The following PFKFB4 variants were observed in gnomAD, a reference collection of about 807,000 sequenced individuals.
PFKFB4 encodes 6-phosphofructo-2-kinase/fructose-2,6-biphosphatase 4.
A neutral mutation model predicts 62.8 loss-of-function variants in PFKFB4; 42 were observed. The observed-to-expected ratio is 0.67, with a 90% CI of 0.52 to 0.86. The LOEUF (loss-of-function observed/expected upper bound fraction) is 0.86, where lower values mean the gene tolerates loss of function less well. PFKFB4 is among the 40% of genes least tolerant of loss of function. The pLI is 0.00. For synonymous variants in PFKFB4, 204 were observed against 240.7 expected, an observed-to-expected ratio of 0.85 and a Z score of 1.41; for missense variants, 475 against 627.2, an observed-to-expected ratio of 0.76 and a Z score of 2.59.
intron 9 of PFKFB4, among the ~76,000 whole-genome samples, chr3:48,529,774 T>C (rs2042377542): frequency 6.6e-6 from 1 of 152,146 alleles, no homozygotes; most frequent in Non-Finnish European, 1.5e-5. Flanking sequence ...GGCAATATGG[T>C]GAAGCCCCAT....
rs891790511 is a variant in PFKFB4 at position 48,539,307 on chromosome 3, A to T, written c.457T>A (p.Phe153Ile). The T allele has an allele frequency of 6.2e-7, 1 of 1,611,330 alleles. No individual in the cohort carries two copies. Among genetic ancestry groups the T allele is most frequent in the Non-Finnish European group, 8.5e-7 (1 of 1,178,276 alleles). Residue 153 changes from phenylalanine to isoleucine, a missense_variant, in exon 6 of 14, where the codon TTT becomes ATT. Transcript: ENST00000232375. Reference sequence around the variant, plus strand: ...TCCACACAGATGGACTCGACAAAAAAGGTCTGCGGCAGGACCAGAAGCGCC... The same window carrying T: ...TCCACACAGATGGACTCGACAAAAATGGTCTGCGGCAGGACCAGAAGCGCC... ...NFGEQNGYKT[F>I]FVESICVDPE...
chr3:48,532,238 A>G (rs2042452379), intron 9 of PFKFB4, among the ~76,000 whole-genome samples: 2 of 152,228 alleles, frequency 1.3e-5, no homozygotes, highest in Non-Finnish European at 2.9e-5. Context: ...TGAACCAGGG[A>G]GGTGGAGGTT....
upstream of PFKFB4, among the ~76,000 whole-genome samples, chr3:48,558,287 ACT>A (rs1432536916): frequency 1.3e-5 from 2 of 150,498 alleles, no homozygotes; most frequent in Non-Finnish European, 3.0e-5. Flanking sequence ...AGCTTTGTAC[ACT>A]CTCTGCCCCA....
At chr3:48,562,527 C>T (rs985970067), upstream of PFKFB4, 1 of 533,594 alleles carries the variant, frequency 1.9e-6, no homozygotes, top group Non-Finnish European at 3.3e-6. This position sits in a 1 kb window ranked among gnomAD's most constrained non-coding sequence, Gnocchi z 4.3. Context: ...CATGGCAAGA[C>T]TCCATGTGGC....
chr3:48,530,700 GT>G (rs1560157439), intron 9 of PFKFB4, among the ~76,000 whole-genome samples: 1 of 152,072 alleles, frequency 6.6e-6, no homozygotes, highest in Non-Finnish European at 1.5e-5. Context: ...GTTTTGTTTT[GT>G]TTTGTTTTCT....
intron 3 of PFKFB4, among the ~76,000 whole-genome samples, chr3:48,545,894 G>C (rs1398383202): frequency 1.3e-5 from 2 of 152,178 alleles, no homozygotes; most frequent in Non-Finnish European, 2.9e-5. Context: ...TTTCTCCTTA[G>C]AGCCCCACGT....
intron 5 of PFKFB4, 24 bp downstream of exon 5, chr3:48,539,673 G>A: frequency 1.3e-6 from 2 of 1,596,304 alleles, no homozygotes; most frequent in South Asian, 1.1e-5. Context: ...GTTCCGCCAA[G>A]GAGAGGAGCC....
chr3:48,563,064 G>A (rs1430321388), upstream of PFKFB4: 10 of 1,612,020 alleles, frequency 6.2e-6, no homozygotes, highest in East Asian at 2.2e-4. This position sits in a 1 kb window ranked among gnomAD's most constrained non-coding sequence, Gnocchi z 4.5. Context: ...GGGGTCACTG[G>A]GACAACCAGG....
chr3:48,524,939 C>T (rs998865373), intron 10 of PFKFB4, among the ~76,000 whole-genome samples: 4 of 152,088 alleles, frequency 2.6e-5, no homozygotes, highest in Non-Finnish European at 4.4e-5. Flanking sequence ...GTAGCCAACT[C>T]ATGTGTGGAA....
chr3:48,543,724 G>A, intron 3 of PFKFB4, 78 bp from the exon 4 acceptor site: 14 of 1,103,812 alleles, frequency 1.3e-5, no homozygotes, highest in Non-Finnish European at 1.9e-5. Flanking sequence ...CACAACAGGA[G>A]GAGACATGAC....
chr3:48,552,352 A>G (rs2043181840), intron 1 of PFKFB4, among the ~76,000 whole-genome samples: 1 of 152,212 alleles, frequency 6.6e-6, no homozygotes, highest in African/African-American at 2.4e-5. Flanking sequence ...CTGCAGAGAA[A>G]CAAAGGGCCT....
Position 48,549,868 on chromosome 3 carries a change from T to C in PFKFB4, c.307A>G (p.Arg103Gly), listed in dbSNP as rs1344941561. 2 of 1,601,264 alleles carry C rather than the reference T, an allele frequency of 1.2e-6. No homozygotes were observed. The highest frequency in any genetic ancestry group is 1.7e-6 in the Non-Finnish European group (2 of 1,168,256). Reference protein sequence around the residue: ...LPDNEEGLKIRKQCALAALRD... With the variant: ...LPDNEEGLKIGKQCALAALRD... ...ACACCCAACACATATACTTACTTCC[T>C]GATTTTCAGGCCCTCTTCATTGTCG... The change falls in exon 3 of 14, where the codon AGG becomes GGG. Residue 103 changes from arginine to glycine, a missense_variant. Physicochemically the swap from Arg to Gly is moderately radical, Grantham distance 125 (BLOSUM62 -2). Transcript: ENST00000232375.
upstream of PFKFB4, among the ~76,000 whole-genome samples, chr3:48,559,021 C>G (rs780884168): frequency 1.2e-4 from 19 of 152,374 alleles, no homozygotes; most frequent in Admixed American, 2.0e-4. Flanking sequence ...CCAGCACCTC[C>G]TCTGGCCTGT....
chr3:48,523,755 A>C lies in PFKFB4; in HGVS notation c.1168T>G (p.Cys390Gly), dbSNP rs764514922. 11 of 1,614,228 alleles carry C rather than the reference A, an allele frequency of 6.8e-6. No individual in the cohort carries two copies. The Middle Eastern group carries it at 6.6e-4, about 97-fold the overall frequency. The change falls in exon 11 of 14, where the codon TGC becomes GGC. Residue 390 changes from cysteine (C) to glycine (G), a missense_variant. Transcript: ENST00000232375. ...LERQENVLVI[C>G]HQAVMRCLLA... ...AGGCAGCGCATCACAGCCTGGTGGC[A>C]GATGACCAGCACATTCTCTTGCCTC...
At chr3:48,537,516 CT>C (rs34454675) in intron 7 of PFKFB4, among the ~76,000 whole-genome samples, 4,057 of 91,536 alleles carry the variant, frequency 0.044, 39 homozygotes, top group African/African-American at 0.11. Flanking sequence ...CATGTGCATC[CT>C]TTTTTTTTTT....
At chr3:48,523,268 T>G (rs1396838685) in intron 12 of PFKFB4, among the ~76,000 whole-genome samples, 1 of 151,952 alleles carries the variant, frequency 6.6e-6, no homozygotes, top group Non-Finnish European at 1.5e-5. Context: ...CCTGTAATCC[T>G]AGCTACTCGG....
intron 5 of PFKFB4, 91 bp downstream of exon 5, chr3:48,539,606 C>A (rs1575381767): frequency 9.4e-7 from 1 of 1,066,060 alleles, no homozygotes; most frequent in East Asian, 2.4e-5. Context: ...CAGCCCCATG[C>A]CCCTCATGCA....
At chr3:48,538,733 CGGG>C in intron 6 of PFKFB4, 114 bp from the exon 7 acceptor site, 1 of 1,367,426 alleles carries the variant, frequency 7.3e-7, no homozygotes, top group Non-Finnish European at 1.0e-6. Context: ...GAGACCAGTG[CGGG>C]AACCTGAGGC....
At chr3:48,526,520 C>T (rs2042264503) in intron 9 of PFKFB4, among the ~76,000 whole-genome samples, 1 of 149,788 alleles carries the variant, frequency 6.7e-6, no homozygotes, top group Non-Finnish European at 1.5e-5. Flanking sequence ...TTGCAGTGAG[C>T]CAAGATTACG....
Sources: gnomAD v4.1 joint callset for allele counts (sites outside exome capture counted in the v4.1 genomes callset) on GRCh38, gnomAD v4.1.1 for gene constraint, Gnocchi (gnomAD v3.1) non-coding constraint, MANE v1.5 for transcripts, NCBI Gene and HGNC (gene_info 2026-07-23, HGNC 2026-07-21) for gene names.